Variants in CYFIP2 observed in about 807,000 individuals in gnomAD.
CYFIP2 encodes the protein cytoplasmic FMR1 interacting protein 2.
In CYFIP2, 29 loss-of-function variants were observed where a neutral mutation model predicts 158.7. The observed-to-expected ratio is 0.18, with a 90% confidence interval of 0.14 to 0.25. The LOEUF is 0.25. Among genes scored for constraint, CYFIP2 ranks in the 10% least tolerant of loss-of-function variants. The probability of loss-of-function intolerance (pLI) is 1.00; values close to 1 mark genes in which losing one functional copy is unlikely to be tolerated. For synonymous variants in CYFIP2, 585 were observed against 617.6 expected (o/e 0.95, Z 0.78); for missense variants, 852 against 1,639.5 (o/e 0.52, Z 8.29).
intron 28 of CYFIP2, chr5:157,385,023 C>T (rs1224771911): frequency 6.5e-6 from 1 of 153,046 alleles, no homozygotes; most frequent in East Asian, 1.9e-4. Flanking sequence ...TACTGTAGAG[C>T]ACACACATTT....
At chr5:157,381,587 G>T (rs1766097707) in intron 26 of CYFIP2, among the ~76,000 whole-genome samples, 1 of 150,140 alleles carries the variant, frequency 6.7e-6, no homozygotes, top group African/African-American at 2.4e-5. Context: ...AAGAAACTGA[G>T]AATGACAGTC....
chr5:157,288,955 A>G (rs1242129573), intron 3 of CYFIP2, among the ~76,000 whole-genome samples: 1 of 152,230 alleles, frequency 6.6e-6, no homozygotes, highest in Non-Finnish European at 1.5e-5. Context: ...GGATAATGAT[A>G]CCTTGTAGAT....
intron 2 of CYFIP2, among the ~76,000 whole-genome samples, chr5:157,286,381 TA>T (rs1178379311): frequency 8.7e-5 from 13 of 149,864 alleles, no homozygotes; most frequent in South Asian, 2.1e-4. Context: ...TATATACATA[TA>T]TTTTTTTTTT....
rs895624559 is a variant in CYFIP2, at chr5:157,390,585, C to T, written c.3511C>T (p.Arg1171Cys). Residue 1171 changes from arginine (R) to cysteine (C), a missense_variant, in exon 30 of 31, where the codon CGT (arginine) becomes TGT (cysteine). Physicochemically the swap from Arg to Cys is radical, Grantham distance 180. Transcript: ENST00000620254. ...CSIIVLLGQQ[R>C]RFDLFDFCYH... ...CATCATTGTCCTGCTGGGCCAGCAG[C>T]GTCGCTTTGACCTGTTCGACTTCTG... is the stretch of plus-strand genomic sequence containing the variant. The T allele has an allele frequency of 6.4e-6, 10 of 1,559,948 alleles. No individual in the cohort carries two copies. The African/African-American group carries it at 6.8e-5, about 11-fold the overall frequency.
intron 26 of CYFIP2, among the ~76,000 whole-genome samples, chr5:157,378,576 C>T (rs1008693545): frequency 9.9e-5 from 15 of 152,128 alleles, no homozygotes; most frequent in South Asian, 4.1e-4. Flanking sequence ...GGAAAAACAA[C>T]GGGTGTCGAA....
chr5:157,340,986 C>A, intron 22 of CYFIP2, 84 bp from the exon 23 acceptor site: 1 of 1,318,280 alleles, frequency 7.6e-7, no homozygotes, highest in South Asian at 1.2e-5. Context: ...TTCACCTGGC[C>A]AGGAAGCACT....
chr5:157,366,704 T>C (rs976543928), intron 26 of CYFIP2, among the ~76,000 whole-genome samples: 4 of 152,330 alleles, frequency 2.6e-5, no homozygotes, highest in African/African-American at 9.6e-5. Context: ...TTGGATCTTA[T>C]CTGAAACAAA....
chr5:157,322,518 T>C (rs1760679359), intron 15 of CYFIP2, among the ~76,000 whole-genome samples: 1 of 152,234 alleles, frequency 6.6e-6, no homozygotes, highest in Non-Finnish European at 1.5e-5. Context: ...GATTCTTCCT[T>C]TGAGGACTTG....
Position 157,342,775 on chromosome 5 carries a change from A to G in CYFIP2, c.2673+1618A>G. ...AGCAGTGACGTTTGATGGGAGAGAA[A>G]TGGGTAGTCTATAGACACATTTGTA... On this transcript the variant is annotated intron_variant, in intron 23 of 30. Transcript: ENST00000620254. The G allele has an allele frequency of 2.3e-6, 3 of 1,307,940 alleles. No homozygotes were observed. In the African/African-American group the frequency reaches 4.4e-5, roughly 19 times the overall value. 81.0% of individuals were successfully genotyped at this position (1,307,940 alleles called of 1,614,324 possible). A position where few individuals can be genotyped will look rare whatever the true frequency, so the allele number is the denominator to read the frequency against.
chr5:157,320,721 A>G lies in CYFIP2; in HGVS notation c.1590A>G (p.Pro530=). The change falls in exon 15 of 31, where the codon CCA becomes CCG. Residue 530 remains proline (P), a synonymous_variant. Transcript: ENST00000620254. ...WEGGREPPND[P]CLRGEKDPKG... ...GAGGGCGAGAGCCCCCTAATGACCC[A>G]TGCTTGAGAGGGGAGAAGGACCCCA... is the stretch of plus-strand genomic sequence containing the variant. 6.2e-7 allele frequency: 1 copy of G among 1,613,576 alleles called. No individual in the cohort carries two copies. Among genetic ancestry groups the G allele is most frequent in the Non-Finnish European group, 8.5e-7 (1 of 1,179,708 alleles).
intron 26 of CYFIP2, among the ~76,000 whole-genome samples, chr5:157,367,972 G>T (rs1764583462): frequency 6.6e-6 from 1 of 151,958 alleles, no homozygotes; most frequent in Non-Finnish European, 1.5e-5. Context: ...TGGTCAGGCT[G>T]GTCTTGAACT....
chr5:157,359,253 C>A, intron 24 of CYFIP2, 105 bp downstream of exon 24: 1 of 1,336,208 alleles, frequency 7.5e-7, no homozygotes, highest in Non-Finnish European at 1.0e-6. Flanking sequence ...ATCCCAGGCA[C>A]TGCAGCTCTA....
chr5:157,342,829 G>C, intron 23 of CYFIP2: 1 of 1,578,892 alleles, frequency 6.3e-7, no homozygotes, highest in Non-Finnish European at 8.6e-7. Context: ...GAAAGCTTTA[G>C]GCTACATGAT....
At chr5:157,333,894 C>T (rs932743284) in intron 21 of CYFIP2, among the ~76,000 whole-genome samples, 23 of 152,214 alleles carry the variant, frequency 1.5e-4, no homozygotes, top group Non-Finnish European at 2.9e-4. Flanking sequence ...TTAAACATTG[C>T]ACCCTGCAGA....
chr5:157,287,054 A>G lies in CYFIP2; in HGVS notation c.153A>G (p.Ala51=), dbSNP rs955806468. The G allele has an allele frequency of 6.8e-6, 11 of 1,613,388 alleles. No homozygotes were observed. Among genetic ancestry groups the G allele is most frequent in the Non-Finnish European group, 9.3e-6 (11 of 1,179,580 alleles). ...NFDTNFEDRN[A]FVTGIARYIE... ...ACACAAACTTTGAGGACAGGAATGCATTTGTCACGGGCATTGCAAGGTACA... is the reference window on the plus strand; with the variant it reads ...ACACAAACTTTGAGGACAGGAATGCGTTTGTCACGGGCATTGCAAGGTACA... The change falls in exon 3 of 31, where the codon GCA becomes GCG. Residue 51 remains alanine (A), a synonymous_variant. Transcript: ENST00000620254.
chr5:157,277,984 G>C (rs1399834005), intron 1 of CYFIP2, among the ~76,000 whole-genome samples: 1 of 152,068 alleles, frequency 6.6e-6, no homozygotes, highest in African/African-American at 2.4e-5. Context: ...GGAAGTATTT[G>C]TGTATCTAAA....
At chr5:157,315,570 A>G (rs932235539) in intron 13 of CYFIP2, among the ~76,000 whole-genome samples, 2 of 152,248 alleles carry the variant, frequency 1.3e-5, no homozygotes, top group African/African-American at 2.4e-5. Flanking sequence ...TATGAGAGCA[A>G]TCTGATTATA....
intron 3 of CYFIP2, 59 bp downstream of exon 3, chr5:157,287,167 G>T: frequency 7.0e-7 from 1 of 1,426,962 alleles, no homozygotes; most frequent in South Asian, 1.2e-5. Flanking sequence ...CAGGGGCCGC[G>T]GGCAGCTTCT....
At position 157,290,961 on chromosome 5, in the gene CYFIP2, G is replaced by A. The variant is rs183833878; in HGVS notation, c.208-3822G>A. ...GGGTTCTTTGCTGGGGTGAGATGGGGGCTGAGTGATCACTGGATCTGTCAC... is the reference window on the plus strand; with the variant it reads ...GGGTTCTTTGCTGGGGTGAGATGGGAGCTGAGTGATCACTGGATCTGTCAC... On this transcript the variant is annotated intron_variant, in intron 3 of 30. Coordinates refer to ENST00000620254, the MANE Select transcript of CYFIP2 (RefSeq NM_001037333.3). 2.0e-5 allele frequency among the ~76,000 whole-genome samples: 3 copies of A among 152,272 alleles called. No homozygotes were observed. In the East Asian group the frequency reaches 5.8e-4, roughly 29 times the overall value.
Sources: allele counts gnomAD v4.1 joint callset (sites outside exome capture counted in the v4.1 genomes callset), GRCh38; gene constraint gnomAD v4.1.1; transcripts MANE v1.5; gene names NCBI Gene and HGNC (gene_info 2026-07-23, HGNC 2026-07-21).